ASH1L: variants seen among roughly 807,000 people sequenced by gnomAD.
ASH1L encodes the protein ASH1 like histone lysine methyltransferase, also known as histone-lysine N-methyltransferase ASH1L.
In ASH1L, 23 loss-of-function variants were observed where a neutral mutation model predicts 269.0. That is an observed-to-expected ratio of 0.09 (90% CI 0.06 to 0.12). ASH1L has a LOEUF of 0.12. Ranked by LOEUF, ASH1L falls within the 10% of genes least tolerant of loss-of-function variation. The probability of loss-of-function intolerance (pLI) is 1.00; values close to 1 mark genes in which losing one functional copy is unlikely to be tolerated. For synonymous variants in ASH1L, 1,187 were observed against 1,253.5 expected (o/e 0.95, Z 1.12); for missense variants, 2,912 against 3,567.8 (o/e 0.82, Z 4.68).
chr1:155,372,937 G>C (rs1656095605), intron 10 of ASH1L, among the ~76,000 whole-genome samples: 1 of 152,098 alleles, frequency 6.6e-6, no homozygotes, highest in African/African-American at 2.4e-5. Context: ...TTCTAGATGG[G>C]TGCAGTGGCT....
chr1:155,414,535 C>T (rs953988385), intron 6 of ASH1L, among the ~76,000 whole-genome samples: 1 of 152,140 alleles, frequency 6.6e-6, no homozygotes, highest in African/African-American at 2.4e-5. Flanking sequence ...TCTCAAACTC[C>T]CAACCTCAGG....
chr1:155,444,682 C>A (rs1662863326), intron 4 of ASH1L, among the ~76,000 whole-genome samples: 1 of 152,042 alleles, frequency 6.6e-6, no homozygotes, highest in Non-Finnish European at 1.5e-5. Flanking sequence ...GTGGTGCAAT[C>A]TTGGCTCACT....
At chr1:155,417,451 G>A (rs537710017) in intron 5 of ASH1L, among the ~76,000 whole-genome samples, 1 of 152,218 alleles carries the variant, frequency 6.6e-6, no homozygotes, top group South Asian at 2.1e-4. Context: ...TAAACACTAC[G>A]TTGTGCATGT....
At chr1:155,460,664 G>T (rs1168785140) in intron 3 of ASH1L, among the ~76,000 whole-genome samples, 1 of 151,990 alleles carries the variant, frequency 6.6e-6, no homozygotes, top group Non-Finnish European at 1.5e-5. Context: ...CCAATTCACA[G>T]AAATTATTTT....
intron 7 of ASH1L, among the ~76,000 whole-genome samples, chr1:155,389,016 T>A (rs1330486043): frequency 6.6e-6 from 1 of 151,058 alleles, no homozygotes; most frequent in African/African-American, 2.4e-5. Context: ...GACTAATTCT[T>A]TTTTTTTGAG....
intron 4 of ASH1L, among the ~76,000 whole-genome samples, chr1:155,452,286 A>C (rs1325970785): frequency 6.7e-6 from 1 of 148,616 alleles, no homozygotes; most frequent in Non-Finnish European, 1.5e-5. Context: ...TGATCTGCCC[A>C]CCTCGGCCGC....
chr1:155,503,498 G>C (rs1287447089), intron 2 of ASH1L, among the ~76,000 whole-genome samples: 2 of 152,112 alleles, frequency 1.3e-5, no homozygotes, highest in East Asian at 1.9e-4. Context: ...TACCTGTTTT[G>C]TTTCAAAAGT....
intron 6 of ASH1L, among the ~76,000 whole-genome samples, chr1:155,411,446 T>C (rs1006879225): frequency 1.1e-4 from 16 of 151,150 alleles, no homozygotes; most frequent in Non-Finnish European, 2.2e-4. Flanking sequence ...GTTGTATAAT[T>C]TGATGTGAAA....
chr1:155,487,679 T>C (rs1391323965), intron 2 of ASH1L, among the ~76,000 whole-genome samples: 1 of 152,050 alleles, frequency 6.6e-6, no homozygotes, highest in African/African-American at 2.4e-5. Flanking sequence ...CCACCGCACC[T>C]GGCAAACACA....
At chr1:155,381,226 T>C (rs552811021) in intron 7 of ASH1L, among the ~76,000 whole-genome samples, 2 of 152,218 alleles carry the variant, frequency 1.3e-5, no homozygotes, top group Non-Finnish European at 2.9e-5. Context: ...TACTATACTT[T>C]TCATCATTAT....
At chr1:155,524,099 A>G (rs760071015) in intron 1 of ASH1L, among the ~76,000 whole-genome samples, 10 of 152,174 alleles carry the variant, frequency 6.6e-5, no homozygotes, top group Non-Finnish European at 1.5e-4. Flanking sequence ...TCCTCTAACT[A>G]TTCAAACTTA....
chr1:155,341,868 G>T, intron 25 of ASH1L, 68 bp downstream of exon 25: 1 of 1,513,348 alleles, frequency 6.6e-7, no homozygotes, highest in Non-Finnish European at 9.1e-7. Flanking sequence ...GAAGATTTTC[G>T]CTCAGTGAAT....
chr1:155,464,973 A>C (rs1305416360), intron 3 of ASH1L, among the ~76,000 whole-genome samples: 1 of 152,198 alleles, frequency 6.6e-6, no homozygotes, highest in Non-Finnish European at 1.5e-5. Flanking sequence ...TATAATAAAC[A>C]GAAAATGAGC....
At chr1:155,359,081 C>T (rs1654703457) in intron 13 of ASH1L, among the ~76,000 whole-genome samples, 1 of 152,186 alleles carries the variant, frequency 6.6e-6, no homozygotes, top group African/African-American at 2.4e-5. Flanking sequence ...GATCACATCA[C>T]TGCATTCTAG....
intron 3 of ASH1L, among the ~76,000 whole-genome samples, chr1:155,468,704 T>C (rs533415414): frequency 2.0e-5 from 3 of 152,308 alleles, no homozygotes; most frequent in East Asian, 3.9e-4. Flanking sequence ...TATTATACAG[T>C]AGGTAGTTTT....
At chr1:155,466,525 C>T (rs1664714281) in intron 3 of ASH1L, among the ~76,000 whole-genome samples, 1 of 152,158 alleles carries the variant, frequency 6.6e-6, no homozygotes, top group Non-Finnish European at 1.5e-5. Flanking sequence ...TAGGTTCACA[C>T]TTCCTTTATA....
At chr1:155,454,475 A>G (rs1663730495) in intron 4 of ASH1L, among the ~76,000 whole-genome samples, 1 of 152,166 alleles carries the variant, frequency 6.6e-6, no homozygotes, top group African/African-American at 2.4e-5. Context: ...TGTGTAGAAT[A>G]ATACTATACA....
rs1662320683 is a variant in ASH1L at position 155,438,890 on chromosome 1, C to T, written c.5265G>A (p.Lys1755=). 6.2e-7 allele frequency: 1 copy of T among 1,614,044 alleles called. No individual in the cohort carries two copies. Among genetic ancestry groups the T allele is most frequent in the African/African-American group, 1.3e-5 (1 of 74,900 alleles). The change falls in exon 5 of 28, where the codon AAG becomes AAA. Residue 1755 remains lysine, a synonymous_variant. Coordinates refer to ENST00000392403, the MANE Select transcript of ASH1L (RefSeq NM_018489.3). ...PSSSPGRSHS[K]DRTLGKPDSL... ...TGTCTGGTTTTCCCAGGGTTCGGTC[C>T]TTGCTGTGGCTACGGCCTGGACTGG...
In ASH1L at chr1:155,480,799, C is replaced by T. The variant is rs771465078; in HGVS notation, c.2071G>A (p.Asp691Asn). 3.7e-6 allele frequency: 6 copies of T among 1,613,746 alleles called. No homozygotes were observed. The highest frequency in any genetic ancestry group is 4.2e-6 in the Non-Finnish European group (5 of 1,179,968). Reference protein sequence around the residue: ...FLKLGAVSASDKHCQVAESLS... With the variant: ...FLKLGAVSASNKHCQVAESLS... ...CTTTCAGCAACTTGGCAGTGTTTGTCTGATGCAGATACTGCACCCAGTTTT... is the reference window on the plus strand; with the variant it reads ...CTTTCAGCAACTTGGCAGTGTTTGTTTGATGCAGATACTGCACCCAGTTTT... The change falls in exon 3 of 28, where the codon GAC becomes AAC. Residue 691 changes from aspartate (D) to asparagine (N), a missense_variant. Transcript: ENST00000392403.
Sources: gnomAD v4.1 joint callset for allele counts (sites outside exome capture counted in the v4.1 genomes callset) on GRCh38, gnomAD v4.1.1 for gene constraint, MANE v1.5 for transcripts, NCBI Gene and HGNC (gene_info 2026-07-23, HGNC 2026-07-21) for gene names.